The following MUC4 variants were observed in gnomAD, a reference collection of about 807,000 sequenced individuals.
MUC4 encodes the protein mucin-4.
MUC4 carries 202 observed loss-of-function variants against 257.9 expected under a neutral mutation model. The observed-to-expected ratio is 0.78, with a 90% CI of 0.70 to 0.88. The LOEUF is 0.88. Ranked by LOEUF, MUC4 falls within the 40% of genes least tolerant of loss-of-function variation. The probability of loss-of-function intolerance (pLI) is 0.00; values close to 1 mark genes in which losing one functional copy is unlikely to be tolerated. For missense variants in MUC4, 5,976 were observed against 6,513.7 expected (o/e 0.92, Z 2.84); for synonymous variants, 2,351 against 2,757.1 (o/e 0.85, Z 4.62).
chr3:195,778,562 T>C, intron 2 of MUC4, 107 bp from the exon 3 acceptor site: 3 of 1,453,736 alleles, frequency 2.1e-6, no homozygotes, highest in South Asian at 1.3e-5. Context: ...GGAAACTCCT[T>C]GTCTCTCCCC....
chr3:195,752,361 T>G lies in MUC4; in HGVS notation c.15582+12A>C. On this transcript the variant is annotated intron_variant, in intron 21 of 24. Transcript: ENST00000463781. ...GCCCCCTCCCACCCAGAGCGCGGCC[T>G]GCAGCACTGACCGAGGCGTTGACTT... 6.2e-7 allele frequency: 1 copy of G among 1,610,222 alleles called. No homozygotes were observed. The highest frequency in any genetic ancestry group is 1.1e-5 in the South Asian group (1 of 90,970).
intron 19 of MUC4, 82 bp downstream of exon 19, chr3:195,754,131 A>G: frequency 6.8e-7 from 1 of 1,471,256 alleles, no homozygotes; most frequent in South Asian, 1.4e-5. Context: ...AAGGAGAGAA[A>G]TGGTTTGCCT....
chr3:195,783,922 G>T lies in MUC4; in HGVS notation c.7658C>A (p.Ala2553Glu), dbSNP rs77250903. ...TSLHVTSPSS[A>E]STGHATSLPV... ...AAGAGAGGTGGCGTGACCTGTGGAT[G>T]CTGAGGAAGGGCTGGTGACATGAAG... Residue 2553 changes from alanine to glutamate, a missense_variant, in exon 2 of 25, where the codon GCA becomes GAA. Around this residue, in one of 44 missense-constraint regions of MUC4, gnomAD observed 135 missense variants for 114.7 expected, o/e 1.18. Transcript: ENST00000463781. 3 of 1,428,930 alleles carry T rather than the reference G, an allele frequency of 2.1e-6. No homozygotes were observed. The highest frequency in any genetic ancestry group is 2.3e-5 in the Admixed American group (1 of 43,386). The allele number at this position is 1,428,930 out of a possible 1,614,324, so 88.5% of individuals were successfully genotyped here. A position where few individuals can be genotyped will look rare whatever the true frequency, so the allele number is the denominator to read the frequency against.
chr3:195,747,976 C>A (rs1410991647), intron 24 of MUC4, among the ~76,000 whole-genome samples: 3 of 152,128 alleles, frequency 2.0e-5, no homozygotes, highest in Non-Finnish European at 4.4e-5. Context: ...CGCCCCAGCC[C>A]GGCCCCGCCC....
Position 195,754,195 on chromosome 3 carries a change from G to A in MUC4, c.15328+18C>T. 6.2e-7 allele frequency: 1 copy of A among 1,603,812 alleles called. No homozygotes were observed. Among genetic ancestry groups the A allele is most frequent in the Non-Finnish European group, 8.5e-7 (1 of 1,173,804 alleles). On this transcript the variant is annotated intron_variant, in intron 19 of 24. Transcript: ENST00000463781. The stretch of plus-strand genomic sequence containing the variant: ...CTGCTCCCAGAAGCGCCTGCTCCAG[G>A]CCCTGTTCCCGGCTCACCCGCACAG...
intron 3 of MUC4, 128 bp downstream of exon 3, chr3:195,778,175 T>A (rs1296828081): frequency 8.0e-7 from 1 of 1,256,528 alleles, no homozygotes; most frequent in East Asian, 2.7e-5. Context: ...GCGACTCCGA[T>A]GCTGTGTCCC....
chr3:195,767,816 A>G (rs866849140), intron 7 of MUC4, among the ~76,000 whole-genome samples: 31 of 94,502 alleles, frequency 3.3e-4, no homozygotes, highest in African/African-American at 1.4e-3. Context: ...CACCACCATC[A>G]CCACCACCAC....
chr3:195,762,028 G>A (rs752698810), intron 14 of MUC4, 59 bp downstream of exon 14: 5 of 1,519,310 alleles, frequency 3.3e-6, no homozygotes, highest in Non-Finnish European at 4.4e-6. Flanking sequence ...CGCCGGCGTG[G>A]GGGTCCGAGC....
At chr3:195,807,339 GCGT>G (rs1336656701) in intron 1 of MUC4, among the ~76,000 whole-genome samples, 1 of 152,064 alleles carries the variant, frequency 6.6e-6, no homozygotes, top group Non-Finnish European at 1.5e-5. Flanking sequence ...GTGGTGTTGG[GCGT>G]CTATAATCCC....
chr3:195,775,356 T>A (rs996069259), intron 3 of MUC4, among the ~76,000 whole-genome samples: 1 of 151,148 alleles, frequency 6.6e-6, no homozygotes, highest in African/African-American at 2.4e-5. Context: ...CCGGGACGAC[T>A]TTCTGCAGCC....
In MUC4 at chr3:195,763,469, C is replaced by G; in HGVS notation, c.14217G>C (p.Ala4739=). Residue 4739 remains alanine, a synonymous_variant, in exon 12 of 25, where the codon GCG becomes GCC. Coordinates refer to ENST00000463781, the MANE Select transcript of MUC4 (RefSeq NM_018406.7). ...CCAGGCTGCTGGAGCGGTACTGAGC[C>G]GCAAAGGCGATGAAGTTGGTGGCCT... ...SAQATNFIAF[A]AQYRSSSLGP... The G allele has an allele frequency of 6.7e-7, 1 of 1,492,388 alleles. No homozygotes were observed. Among genetic ancestry groups the G allele is most frequent in the Non-Finnish European group, 9.0e-7 (1 of 1,113,968 alleles). The allele number at this position is 1,492,388 out of a possible 1,614,324, so 92.4% of individuals were successfully genotyped here.
At position 195,746,910 on chromosome 3, in the gene MUC4, G is replaced by A. The variant is rs1268641386; in HGVS notation, c.*266C>T. 265 of 565,916 alleles carry A rather than the reference G, an allele frequency of 4.7e-4. No homozygotes were observed. The highest frequency in any genetic ancestry group is 5.2e-4 in the Admixed American group (16 of 31,046). 35.1% of individuals were successfully genotyped at this position (565,916 alleles called of 1,614,324 possible). On this transcript the variant is annotated 3_prime_UTR_variant, in exon 25 of 25. Transcript: ENST00000463781. ...CGTGTGTGTGTGTGTGTGTGTGCAC[G>A]CGCGCGTGCACAGGCTAGTGTCCTT...
At chr3:195,806,002 G>C (rs1369173357) in intron 1 of MUC4, among the ~76,000 whole-genome samples, 1 of 102,756 alleles carries the variant, frequency 9.7e-6, no homozygotes, top group Non-Finnish European at 2.3e-5. Context: ...TGTGATCCCA[G>C]CTACTCGGGG....
At chr3:195,778,648 A>G (rs2148904336) in intron 2 of MUC4, 142 bp downstream of exon 2, 2 of 1,246,424 alleles carry the variant, frequency 1.6e-6, no homozygotes, top group Non-Finnish European at 2.2e-6. Flanking sequence ...GTCACCCACC[A>G]CACCCATCAC....
Position 195,747,171 on chromosome 3 carries a change from C to G in MUC4, c.*5G>C. 1.2e-6 allele frequency: 2 copies of G among 1,614,234 alleles called. No homozygotes were observed. The highest frequency in any genetic ancestry group is 2.2e-5 in the East Asian group (1 of 44,892). ...CTTGAGGTAGCCTAGGCCACAGCTG[C>G]CCCTTCAAGGCAAGGCCTCAGCTGA... On this transcript the variant is annotated 3_prime_UTR_variant, in exon 25 of 25. Transcript: ENST00000463781.
rs181698618 is a variant in MUC4 at position 195,775,469 on chromosome 3, G to C, written c.12944-1164C>G. Among the ~76,000 whole-genome samples, 202 of 20,858 alleles carry C rather than the reference G, an allele frequency of 9.7e-3. 4 individuals are homozygous for C. Among genetic ancestry groups the C allele is most frequent in the African/African-American group, 0.031 (113 of 3,596 alleles). The allele number at this position is 20,858 out of a possible 152,430, so 13.7% of individuals were successfully genotyped here. On this transcript the variant is annotated intron_variant, in intron 3 of 24. Transcript: ENST00000463781. ...ACCTTCCACACCCATACCTTCCACAGTCATACCTTCCACACCCATACCTTC... is the reference window on the plus strand; with the variant it reads ...ACCTTCCACACCCATACCTTCCACACTCATACCTTCCACACCCATACCTTC...
At chr3:195,767,516 T>TCACCACCACCATCACCAC (rs1560261073) in intron 7 of MUC4, among the ~76,000 whole-genome samples, 2 of 59,224 alleles carry the variant, frequency 3.4e-5, no homozygotes, top group Non-Finnish European at 3.5e-5. Context: ...ACCATCACCA[T>TCACCACCACCATCACCAC]CACCACCACC....
rs200193644 is a variant in MUC4, at chr3:195,788,543, T to G, written c.3037A>C (p.Ser1013Arg). The G allele has an allele frequency of 1.0e-6, 1 of 974,124 alleles. No individual in the cohort carries two copies. Among genetic ancestry groups the G allele is most frequent in the Non-Finnish European group, 1.3e-6 (1 of 777,218 alleles). The allele number at this position is 974,124 out of a possible 1,614,324, so 60.3% of individuals were successfully genotyped here. A position where few individuals can be genotyped will look rare whatever the true frequency, so the allele number is the denominator to read the frequency against. ...TGHATPLPVTSPSSVSTGHTT... is the reference protein window; with the variant it reads ...TGHATPLPVTRPSSVSTGHTT... ...TGACCTGTGGATACTGAGGAAGGGC[T>G]GGTGACAGGAAGAGGGGTGGCGTGA... is the stretch of plus-strand genomic sequence containing the variant. The change falls in exon 2 of 25, where the codon AGC becomes CGC. Residue 1013 changes from serine (S) to arginine (R), a missense_variant. Ser to Arg is a moderately radical substitution (Grantham distance 110). Around this residue, in one of 44 missense-constraint regions of MUC4, gnomAD observed 1,583 missense variants for 1,257.4 expected, o/e 1.26. Transcript: ENST00000463781.
chr3:195,775,498 AG>A (rs1560283946), intron 3 of MUC4, among the ~76,000 whole-genome samples: 4 of 40,038 alleles, frequency 1.0e-4, no homozygotes, highest in East Asian at 1.2e-3. Context: ...TACCTTCCAC[AG>A]CCATACCTTC....
Sources: allele counts gnomAD v4.1 joint callset (sites outside exome capture counted in the v4.1 genomes callset), GRCh38; gene constraint gnomAD v4.1.1; regional missense constraint gnomAD v4.1.1; transcripts MANE v1.5; gene names NCBI Gene and HGNC (gene_info 2026-07-23, HGNC 2026-07-21).